The following SGCD variants were observed in gnomAD, a reference collection of about 807,000 sequenced individuals.
SGCD encodes the protein sarcoglycan delta, also known as delta-sarcoglycan.
Under a neutral mutation model 36.6 loss-of-function variants are expected in SGCD, and 18 were observed. The ratio of observed to expected loss-of-function variants is 0.49; its 90% CI spans 0.34 to 0.73. The LOEUF (loss-of-function observed/expected upper bound fraction) is 0.73. SGCD is among the 30% of genes least tolerant of loss of function. SGCD has a pLI of 0.01. For missense variants in SGCD, 387 were observed against 346.7 expected (o/e 1.12, Z -0.92); for synonymous variants, 133 against 130.6 (o/e 1.02, Z -0.12).
At chr5:156,365,621 CATACAT>C (rs1770055170) in intron 3 of SGCD, among the ~76,000 whole-genome samples, 1 of 152,146 alleles carries the variant, frequency 6.6e-6, no homozygotes, top group South Asian at 2.1e-4. Context: ...TATGTATACA[CATACAT>C]ATACACAGAT....
chr5:156,390,069 C>T (rs1291000886), intron 3 of SGCD, among the ~76,000 whole-genome samples: 1 of 152,102 alleles, frequency 6.6e-6, no homozygotes, highest in East Asian at 1.9e-4. Context: ...TATAAACAAA[C>T]CTACCAAGCT....
At chr5:156,151,577 C>T (rs1194287551) in intron 3 of SGCD, among the ~76,000 whole-genome samples, 1 of 151,440 alleles carries the variant, frequency 6.6e-6, no homozygotes, top group Non-Finnish European at 1.5e-5. Flanking sequence ...TTAATTACTT[C>T]CTGGAAGAAA....
the SGCD span, among the ~76,000 whole-genome samples, chr5:155,745,099 A>G: frequency 6.6e-6 from 1 of 152,234 alleles, no homozygotes; most frequent in Non-Finnish European, 1.5e-5. Context: ...CCCTGAGACA[A>G]AATAACTGGC....
In SGCD at chr5:156,396,363, A is replaced by G. The variant is rs145412559; in HGVS notation, c.192+51686A>G. On this transcript the variant is annotated intron_variant, in intron 3 of 8. Coordinates refer to ENST00000337851, the MANE Select transcript of SGCD (RefSeq NM_000337.6). ...GTGGAGCACATAAACTTGTCAGTGG[A>G]GTGATGAGAAAACTGCTGGGTTGCC... Among the ~76,000 whole-genome samples, 298 of 152,308 alleles carry G rather than the reference A, an allele frequency of 2.0e-3. 1 individual carries two copies. The highest frequency in any genetic ancestry group is 6.9e-3 in the African/African-American group (288 of 41,562).
rs75361350 is a variant in SGCD, at chr5:156,350,439, A to T, written c.192+5762A>T. ...AGTGTTTGTGAAACCTTGGTGATCTATCCAAGATTGAAAATCTGGAATTTT... is the reference window on the plus strand; with the variant it reads ...AGTGTTTGTGAAACCTTGGTGATCTTTCCAAGATTGAAAATCTGGAATTTT... On this transcript the variant is annotated intron_variant, in intron 3 of 8. Coordinates refer to ENST00000337851, the MANE Select transcript of SGCD (RefSeq NM_000337.6). Among the ~76,000 whole-genome samples the T allele has an allele frequency of 1.2e-4, 18 of 151,958 alleles. No individual in the cohort carries two copies. In the East Asian group the frequency reaches 2.1e-3, roughly 18 times the overall value.
chr5:155,842,934 T>C, the SGCD span, among the ~76,000 whole-genome samples: 5 of 152,200 alleles, frequency 3.3e-5, no homozygotes, highest in African/African-American at 1.2e-4. Flanking sequence ...CAGTTGTTTT[T>C]CGATTCTTTT....
intron 3 of SGCD, among the ~76,000 whole-genome samples, chr5:156,233,759 C>T (rs1296763391): frequency 6.6e-6 from 1 of 152,124 alleles, no homozygotes; most frequent in East Asian, 1.9e-4. Flanking sequence ...GTGGTGCCTG[C>T]CTATAGTCCC....
intron 3 of SGCD, among the ~76,000 whole-genome samples, chr5:156,284,787 A>G (rs927080797): frequency 8.6e-5 from 13 of 151,968 alleles, no homozygotes; most frequent in Admixed American, 6.6e-4. Flanking sequence ...CTCTCTCACC[A>G]CTCCTATTCA....
intron 3 of SGCD, among the ~76,000 whole-genome samples, chr5:156,497,969 T>G (rs1028773120): frequency 2.6e-5 from 4 of 152,098 alleles, no homozygotes; most frequent in Non-Finnish European, 5.9e-5. Flanking sequence ...ATTGCCTTGA[T>G]CACAAAACAT....
intron 3 of SGCD, among the ~76,000 whole-genome samples, chr5:156,498,654 C>T (rs1037721369): frequency 1.3e-5 from 2 of 152,180 alleles, no homozygotes; most frequent in African/African-American, 4.8e-5. Flanking sequence ...GAATATTTTA[C>T]TTATCCATTC....
chr5:155,820,726 G>C, the SGCD span, among the ~76,000 whole-genome samples: 1 of 151,942 alleles, frequency 6.6e-6, no homozygotes, highest in Non-Finnish European at 1.5e-5. Context: ...ATAAAATACT[G>C]TATGTGACTG....
chr5:155,932,907 T>C (rs1000052366), intron 1 of SGCD, among the ~76,000 whole-genome samples: 4 of 152,188 alleles, frequency 2.6e-5, no homozygotes, highest in Non-Finnish European at 4.4e-5. Context: ...ATTTTTGCCT[T>C]TTCCTTGTCA....
the SGCD span, among the ~76,000 whole-genome samples, chr5:155,825,063 A>T: frequency 0.79 from 119,430 of 152,088 alleles, 47,283 homozygotes; most frequent in East Asian, 0.91. Flanking sequence ...ATCATTTTTT[A>T]AAATCAGATC....
chr5:156,749,150 T>C (rs1048410382), intron 7 of SGCD, among the ~76,000 whole-genome samples: 1 of 152,156 alleles, frequency 6.6e-6, no homozygotes, highest in Non-Finnish European at 1.5e-5. Context: ...AAGTTCAAAA[T>C]TTAAAAATAC....
chr5:156,140,840 A>G (rs1052557210), intron 3 of SGCD, among the ~76,000 whole-genome samples: 1 of 152,200 alleles, frequency 6.6e-6, no homozygotes, highest in African/African-American at 2.4e-5. Context: ...AGTTAGCCCC[A>G]TGCTATTCAT....
chr5:156,069,489 A>G (rs10476268), intron 1 of SGCD, among the ~76,000 whole-genome samples: 39,101 of 151,842 alleles, frequency 0.26, 6,410 homozygotes, highest in African/African-American at 0.46. Flanking sequence ...CTATATCTCC[A>G]TTTTGGTACC....
chr5:156,320,685 T>C (rs544489235), intron 3 of SGCD, among the ~76,000 whole-genome samples: 62 of 152,212 alleles, frequency 4.1e-4, no homozygotes, highest in Non-Finnish European at 6.8e-4. Flanking sequence ...GAATCCCTCA[T>C]TGTGTACCAT....
chr5:155,936,526 C>A (rs1757205997), intron 1 of SGCD, among the ~76,000 whole-genome samples: 1 of 152,120 alleles, frequency 6.6e-6, no homozygotes, highest in Non-Finnish European at 1.5e-5. Context: ...CTCTGCTGGT[C>A]TTCAGGTTGA....
intron 1 of SGCD, among the ~76,000 whole-genome samples, chr5:156,026,595 TG>T (rs1295036389): frequency 6.6e-6 from 1 of 152,222 alleles, no homozygotes; most frequent in Non-Finnish European, 1.5e-5. Context: ...ATTTTGTCCT[TG>T]GGAAGGCTTA....
Sources: allele counts gnomAD v4.1 joint callset (sites outside exome capture counted in the v4.1 genomes callset), GRCh38; gene constraint gnomAD v4.1.1; transcripts MANE v1.5; gene names NCBI Gene and HGNC (gene_info 2026-07-23, HGNC 2026-07-21).